P4HB: variants seen among roughly 807,000 people sequenced by gnomAD.
P4HB encodes prolyl 4-hydroxylase subunit beta.
A neutral mutation model predicts 52.6 loss-of-function variants in P4HB; 20 were observed. The ratio of observed to expected loss-of-function variants is 0.38; its 90% CI spans 0.27 to 0.55. P4HB has a LOEUF of 0.55. P4HB is among the 20% of genes least tolerant of loss of function. The probability of loss-of-function intolerance (pLI) is 0.74; values close to 1 mark genes in which losing one functional copy is unlikely to be tolerated. For missense variants in P4HB, 601 were observed against 669.2 expected (o/e 0.90, Z 1.12); for synonymous variants, 296 against 277.9 (o/e 1.07, Z -0.65).
Position 81,855,571 on chromosome 17 carries a change from T to C in P4HB, c.368A>G (p.Asp123Gly). The change falls in exon 3 of 11, where the codon GAT becomes GGT. Residue 123 changes from aspartate to glycine, a missense_variant. Coordinates refer to ENST00000331483, the MANE Select transcript of P4HB (RefSeq NM_000918.4). This position sits in a 1 kb window ranked among gnomAD's most constrained non-coding sequence, Gnocchi z 4.3. ...CTTCTTCAGCCAGTTCACGATGTCA[T>C]CAGCCTCTCTGCCAGCTAACCCCAA... Reference protein sequence around the residue: ...PKEYTAGREADDIVNWLKKRT... With the variant: ...PKEYTAGREAGDIVNWLKKRT... 6.2e-7 allele frequency: 1 copy of C among 1,613,712 alleles called. No individual in the cohort carries two copies. The highest frequency in any genetic ancestry group is 8.5e-7 in the Non-Finnish European group (1 of 1,179,870).
chr17:81,844,203 A>C, intron 10 of P4HB, 111 bp from the exon 11 acceptor site: 1 of 819,494 alleles, frequency 1.2e-6, no homozygotes, highest in Non-Finnish European at 2.2e-6. Context: ...CACGGCGGAC[A>C]TGGCCACCGG....
intron 2 of P4HB, among the ~76,000 whole-genome samples, chr17:81,856,334 C>CTTTT (rs531626630): frequency 7.6e-6 from 1 of 130,910 alleles, no homozygotes; most frequent in African/African-American, 2.9e-5. Flanking sequence ...ACCCAACTAA[C>CTTTT]TTTTTTTTTT....
intron 4 of P4HB, among the ~76,000 whole-genome samples, chr17:81,850,202 G>C (rs1214249583): frequency 6.6e-6 from 1 of 151,316 alleles, no homozygotes; most frequent in Non-Finnish European, 1.5e-5. Context: ...GCAGGATCTT[G>C]GCTCACTGCA....
At chr17:81,845,780 A>G in intron 8 of P4HB, 38 bp from the exon 9 acceptor site, 2 of 1,612,654 alleles carry the variant, frequency 1.2e-6, no homozygotes, top group South Asian at 1.1e-5. Flanking sequence ...TCCTGGACAC[A>G]AAGCCACTGG....
rs2038722453 is a variant in P4HB, at chr17:81,845,597, G to A, written c.1323C>T (p.Pro441=). Residue 441 remains proline, a synonymous_variant, in exon 9 of 11, where the codon CCC becomes CCT. Transcript: ENST00000331483. ...EVEAVKVHSF[P]TLKFFPASAD... ...CACTGGCAGGAAAGAACTTGAGTGTGGGGAAGCTGTGCACTTTGACGGCCT... is the reference window on the plus strand; with the variant it reads ...CACTGGCAGGAAAGAACTTGAGTGTAGGGAAGCTGTGCACTTTGACGGCCT... The A allele has an allele frequency of 6.2e-7, 1 of 1,611,258 alleles. No individual in the cohort carries two copies.
intron 4 of P4HB, among the ~76,000 whole-genome samples, chr17:81,850,088 A>G (rs2038804661): frequency 1.3e-5 from 2 of 151,094 alleles, no homozygotes; most frequent in East Asian, 2.0e-4. Flanking sequence ...TCGGCCTCCT[A>G]AAGTGCTGGG....
chr17:81,860,120 C>T (rs1567843330), intron 1 of P4HB: 5 of 410,162 alleles, frequency 1.2e-5, no homozygotes, highest in Non-Finnish European at 1.7e-5. Context: ...GTGCGCAGGG[C>T]GGGCATCGGG....
rs565291318 is a variant in P4HB, at chr17:81,853,284, C to T, written c.624+1858G>A. 5.3e-5 allele frequency among the ~76,000 whole-genome samples: 8 copies of T among 152,228 alleles called. No individual in the cohort carries two copies. In the South Asian group the frequency reaches 1.5e-3, roughly 28 times the overall value. On this transcript the variant is annotated intron_variant, in intron 4 of 10. Coordinates refer to ENST00000331483, the MANE Select transcript of P4HB (RefSeq NM_000918.4). ...AGTGCTGGATGCTCCGTGCTTACTA[C>T]AGAAAGTGAATGGGTCGGTGGCTCA... is the stretch of plus-strand genomic sequence containing the variant.
rs202117270 is a variant in P4HB, at chr17:81,854,833, C to CTCTG, written c.624+308_624+309insCAGA. Among the ~76,000 whole-genome samples, 4,291 of 146,160 alleles carry CTCTG rather than the reference C, an allele frequency of 0.029. 219 individuals carry two copies. The highest frequency in any genetic ancestry group is 0.1 in the African/African-American group (4,037 of 38,862). Reference sequence around the variant, plus strand: ...CTCCAGCATGGGTGACAGAGCAAGACTCTCCCAAAAAAAAAAAAAGGGCAA... The same window carrying CTCTG: ...CTCCAGCATGGGTGACAGAGCAAGACTCTGTCTCCCAAAAAAAAAAAAAGGGCAA... On this transcript the variant is annotated intron_variant, in intron 4 of 10. Coordinates refer to ENST00000331483, the MANE Select transcript of P4HB (RefSeq NM_000918.4).
chr17:81,854,563 G>A lies in P4HB; in HGVS notation c.624+579C>T, dbSNP rs367948453. ...TATCTCAAAAAAAAAAAAGGCAAAC[G>A]GGGCCAGGCGCGGTGGCTCACATCT... On this transcript the variant is annotated intron_variant, in intron 4 of 10. Coordinates refer to ENST00000331483, the MANE Select transcript of P4HB (RefSeq NM_000918.4). 2.3e-4 allele frequency among the ~76,000 whole-genome samples: 34 copies of A among 150,868 alleles called. No homozygotes were observed. In the East Asian group the frequency reaches 3.9e-3, roughly 17 times the overall value.
In P4HB at chr17:81,846,699, C is replaced by A; in HGVS notation, c.856-70G>T. 6.7e-7 allele frequency: 1 copy of A among 1,483,966 alleles called. No homozygotes were observed. Among genetic ancestry groups the A allele is most frequent in the South Asian group, 1.1e-5 (1 of 87,590 alleles). The allele number at this position is 1,483,966 out of a possible 1,614,324, so 91.9% of individuals were successfully genotyped here. The stretch of plus-strand genomic sequence containing the variant: ...CTCTGCCTCCAGCCCTGACTTTGCT[C>A]GGAAGCAGACCGTGCTCCGGTGCCT... On this transcript the variant is annotated intron_variant, in intron 6 of 10. Transcript: ENST00000331483. This position sits in a 1 kb window ranked among gnomAD's most constrained non-coding sequence, Gnocchi z 5.7.
At position 81,860,350 on chromosome 17, in the gene P4HB, T is replaced by A. The variant is rs1237676558; in HGVS notation, c.122A>T (p.His41Leu). 2 of 1,473,612 alleles carry A rather than the reference T, an allele frequency of 1.4e-6. No individual in the cohort carries two copies. The highest frequency in any genetic ancestry group is 2.6e-5 in the South Asian group (2 of 76,324). 91.3% of individuals were successfully genotyped at this position (1,473,612 alleles called of 1,614,324 possible). The change falls in exon 1 of 11, where the codon CAC (histidine) becomes CTC (leucine). Residue 41 changes from histidine to leucine, a missense_variant. His to Leu is a moderately conservative substitution (Grantham distance 99, BLOSUM62 -3). Coordinates refer to ENST00000331483, the MANE Select transcript of P4HB (RefSeq NM_000918.4). ...ACAGAACTCCACCAGCAGGTACTTG[T>A]GGGCCGCCAGCGCCTCCGCGAAGTT... is the stretch of plus-strand genomic sequence containing the variant. Reference protein sequence around the residue: ...KSNFAEALAAHKYLLVEFYAP... With the variant: ...KSNFAEALAALKYLLVEFYAP...
At chr17:81,849,943 T>G (rs2038802300) in intron 4 of P4HB, among the ~76,000 whole-genome samples, 1 of 152,106 alleles carries the variant, frequency 6.6e-6, no homozygotes, top group Non-Finnish European at 1.5e-5. Context: ...TTCTCTTTCC[T>G]CAGCCTCCCG....
At position 81,845,851 on chromosome 17, in the gene P4HB, G is replaced by A. The variant is rs958237237; in HGVS notation, c.1177+20C>T. On this transcript the variant is annotated intron_variant, in intron 8 of 10. Coordinates refer to ENST00000331483, the MANE Select transcript of P4HB (RefSeq NM_000918.4). The stretch of plus-strand genomic sequence containing the variant: ...TGCCCTGGTGGCACGGACCTGGGGA[G>A]CTGAAAGGGCAACACTTACAGAACT... The A allele has an allele frequency of 8.7e-6, 14 of 1,614,016 alleles. No individual in the cohort carries two copies. Among genetic ancestry groups the A allele is most frequent in the Non-Finnish European group, 1.1e-5 (13 of 1,179,994 alleles).
chr17:81,846,218 G>GGCCCTGTTGAATTCACGGGCAGCCATA lies in P4HB; in HGVS notation c.1056+210_1056+211insTATGGCTGCCCGTGAATTCAACAGGGC. 1 of 729,796 alleles carries GGCCCTGTTGAATTCACGGGCAGCCATA rather than the reference G, an allele frequency of 1.4e-6. No individual in the cohort carries two copies. Among genetic ancestry groups the GGCCCTGTTGAATTCACGGGCAGCCATA allele is most frequent in the East Asian group, 2.7e-5 (1 of 37,018 alleles). 45.2% of individuals were successfully genotyped at this position (729,796 alleles called of 1,614,324 possible). A position where few individuals can be genotyped will look rare whatever the true frequency, so the allele number is the denominator to read the frequency against. Reference sequence around the variant, plus strand: ...CCCTCGCCGGCCAGGAGGTTTCCCTGAGGAGCATCTGGGCCAGCCGTGTGG... The same window carrying GGCCCTGTTGAATTCACGGGCAGCCATA: ...CCCTCGCCGGCCAGGAGGTTTCCCTGGCCCTGTTGAATTCACGGGCAGCCATAAGGAGCATCTGGGCCAGCCGTGTGG... On this transcript the variant is annotated intron_variant, in intron 7 of 10. Transcript: ENST00000331483. The surrounding 1 kb of genome is among the most constrained non-coding windows in gnomAD (Gnocchi z 5.7).
At chr17:81,859,411 G>GAAAGCAGCCTTGATCCCT in intron 1 of P4HB, 24 bp from the exon 2 acceptor site, 1 of 1,603,690 alleles carries the variant, frequency 6.2e-7, no homozygotes, top group Non-Finnish European at 8.5e-7. Context: ...TGAGATGCTA[G>GAAAGCAGCCTTGATCCCT]AAAGCAGCCT....
intron 1 of P4HB, chr17:81,859,842 C>T (rs2038970662): frequency 4.8e-6 from 1 of 208,592 alleles, no homozygotes; most frequent in Non-Finnish European, 9.8e-6. Flanking sequence ...ATAAGACGAT[C>T]TGTCAATAGA....
intron 2 of P4HB, among the ~76,000 whole-genome samples, chr17:81,856,956 T>C (rs938309373): frequency 6.6e-6 from 1 of 152,002 alleles, no homozygotes; most frequent in African/African-American, 2.4e-5. Flanking sequence ...CCAATTTTTC[T>C]ATTTTTTGTA....
Position 81,859,334 on chromosome 17 carries a change from C to A in P4HB, c.199G>T (p.Ala67Ser). Residue 67 changes from alanine to serine, a missense_variant, in exon 2 of 11, where the codon GCT becomes TCT. By Grantham distance (99) the Ala-to-Ser change is moderately conservative (BLOSUM62 1). Transcript: ENST00000331483. The stretch of plus-strand genomic sequence containing the variant: ...GAACCTTCTGCCTTCAGCTTCCCAG[C>A]GGCTTTGGCATACTCAGGGGCCAGA... ...KALAPEYAKA[A>S]GKLKAEGSEI... 5 of 1,613,938 alleles carry A rather than the reference C, an allele frequency of 3.1e-6. No individual in the cohort carries two copies. The highest frequency in any genetic ancestry group is 3.4e-6 in the Non-Finnish European group (4 of 1,180,026).
Sources: gnomAD v4.1 joint callset for allele counts (sites outside exome capture counted in the v4.1 genomes callset) on GRCh38, gnomAD v4.1.1 for gene constraint, Gnocchi (gnomAD v3.1) non-coding constraint, MANE v1.5 for transcripts, NCBI Gene and HGNC (gene_info 2026-07-23, HGNC 2026-07-21) for gene names.